AGAP1: variants seen among roughly 807,000 people sequenced by gnomAD.
AGAP1 encodes the protein arf-GAP with GTPase, ANK repeat and PH domain-containing protein 1.
Under a neutral mutation model 105.3 loss-of-function variants are expected in AGAP1, and 29 were observed. The ratio of observed to expected loss-of-function variants is 0.28; its 90% CI spans 0.21 to 0.38. AGAP1 has a LOEUF of 0.38. Among genes scored for constraint, AGAP1 ranks in the 10% least tolerant of loss-of-function variants. The pLI, the probability that AGAP1 is intolerant of heterozygous loss-of-function variation, is 1.00. For missense variants in AGAP1, 998 were observed against 1,165.1 expected, an observed-to-expected ratio of 0.86 and a Z score of 2.09; for synonymous variants, 509 against 485.9, an observed-to-expected ratio of 1.05 and a Z score of -0.63.
At chr2:236,079,607 T>TA (rs563410839) in intron 16 of AGAP1, among the ~76,000 whole-genome samples, 2 of 151,080 alleles carry the variant, frequency 1.3e-5, no homozygotes, top group South Asian at 4.2e-4. Context: ...CATACATACA[T>TA]ATATATATAG....
chr2:235,612,967 C>G lies in AGAP1; in HGVS notation c.164-96212C>G, dbSNP rs138437416. On this transcript the variant is annotated intron_variant, in intron 1 of 17. Transcript: ENST00000304032. This position sits in a 1 kb window ranked among gnomAD's most constrained non-coding sequence, Gnocchi z 4.3. The stretch of plus-strand genomic sequence containing the variant: ...CTAATTTGGAGTTAACCTCTCTTTC[C>G]CAGGTGAGGTTAGCAAATACGTATA... Among the ~76,000 whole-genome samples the G allele has an allele frequency of 7.0e-4, 106 of 152,190 alleles. No homozygotes were observed. Among genetic ancestry groups the G allele is most frequent in the African/African-American group, 2.5e-3 (105 of 41,520 alleles).
At chr2:235,694,597 G>A (rs1949909451) in intron 1 of AGAP1, among the ~76,000 whole-genome samples, 1 of 151,668 alleles carries the variant, frequency 6.6e-6, no homozygotes, top group African/African-American at 2.4e-5. Context: ...GCAGTCAGCC[G>A]AGATCGCGCC....
chr2:235,541,590 T>C (rs1475547767), intron 1 of AGAP1, among the ~76,000 whole-genome samples: 3 of 151,330 alleles, frequency 2.0e-5, no homozygotes, highest in East Asian at 3.9e-4. Context: ...AGGGTTTCAC[T>C]GTGTTAGCCA....
At position 236,020,261 on chromosome 2, in the gene AGAP1, C is replaced by G; in HGVS notation, c.1646-16300C>G. 6.6e-6 allele frequency among the ~76,000 whole-genome samples: 1 copy of G among 152,174 alleles called. No homozygotes were observed. Among genetic ancestry groups the G allele is most frequent in the East Asian group, 1.9e-4 (1 of 5,188 alleles). On this transcript the variant is annotated intron_variant, in intron 13 of 17. Coordinates refer to ENST00000304032, the MANE Select transcript of AGAP1 (RefSeq NM_001037131.3). This position sits in a 1 kb window ranked among gnomAD's most constrained non-coding sequence, Gnocchi z 5.0. ...GCTCCTTGCCTAGGACCAGTAAGCC[C>G]CAGTACTCAAGCACCCAGATTCTCT...
At chr2:236,063,730 A>C (rs1170413151) in intron 16 of AGAP1, among the ~76,000 whole-genome samples, 4 of 152,232 alleles carry the variant, frequency 2.6e-5, no homozygotes, top group Admixed American at 1.3e-4. Flanking sequence ...GGGACAAAGC[A>C]AGCCACTCCT....
In AGAP1 at chr2:236,040,659, C is replaced by T. The variant is rs188411276; in HGVS notation, c.1801-92C>T. On this transcript the variant is annotated intron_variant, in intron 14 of 17. Coordinates refer to ENST00000304032, the MANE Select transcript of AGAP1 (RefSeq NM_001037131.3). This position sits in a 1 kb window ranked among gnomAD's most constrained non-coding sequence, Gnocchi z 5.6. ...AATTACCCTCGTCCTACATTTGCTCCCAATCTGTTTGATCTTTCCCTGATG... is the reference window on the plus strand; with the variant it reads ...AATTACCCTCGTCCTACATTTGCTCTCAATCTGTTTGATCTTTCCCTGATG... 12 of 1,192,452 alleles carry T rather than the reference C, an allele frequency of 1.0e-5. No homozygotes were observed. The East Asian group carries it at 2.8e-4, about 28-fold the overall frequency. The allele number at this position is 1,192,452 out of a possible 1,614,324, so 73.9% of individuals were successfully genotyped here. A position where few individuals can be genotyped will look rare whatever the true frequency, so the allele number is the denominator to read the frequency against.
intron 16 of AGAP1, among the ~76,000 whole-genome samples, chr2:236,097,284 A>G (rs1213615243): frequency 6.6e-6 from 1 of 151,570 alleles, no homozygotes; most frequent in Non-Finnish European, 1.5e-5. Flanking sequence ...TGAGAGACTC[A>G]CACAGTGGCG....
At chr2:235,878,049 G>A (rs1170751407) in intron 9 of AGAP1, among the ~76,000 whole-genome samples, 2 of 152,182 alleles carry the variant, frequency 1.3e-5, no homozygotes, top group Non-Finnish European at 2.9e-5. Flanking sequence ...AAGGGCCCAC[G>A]GTGCCCGTGG....
rs1944073133 is a variant in AGAP1 at position 235,559,290 on chromosome 2, TG to T, written c.163+64444del. On this transcript the variant is annotated intron_variant, in intron 1 of 17. Coordinates refer to ENST00000304032, the MANE Select transcript of AGAP1 (RefSeq NM_001037131.3). This position sits in a 1 kb window ranked among gnomAD's most constrained non-coding sequence, Gnocchi z 5.7. ...ATAAAAATACGATGAAGGGGTGATT[TG>T]GGTGTCCCAAGACTGTTTGGAAGGT... Among the ~76,000 whole-genome samples the T allele has an allele frequency of 1.3e-5, 2 of 152,270 alleles. No individual in the cohort carries two copies. The highest frequency in any genetic ancestry group is 4.2e-4 in the South Asian group (2 of 4,810).
intron 1 of AGAP1, among the ~76,000 whole-genome samples, chr2:235,526,138 T>C (rs1942829158): frequency 1.7e-5 from 2 of 120,802 alleles, no homozygotes; most frequent in Non-Finnish European, 3.4e-5. Context: ...AGGACTGATT[T>C]ATAAAGTAGA....
rs71039711 is a variant in AGAP1, at chr2:236,105,550, C to CT, written c.2115-14619dup. Among the ~76,000 whole-genome samples, 504 of 81,294 alleles carry CT rather than the reference C, an allele frequency of 6.2e-3. 16 individuals are homozygous for CT. Among genetic ancestry groups the CT allele is most frequent in the East Asian group, 0.039 (116 of 2,964 alleles). The allele number at this position is 81,294 out of a possible 152,430, so 53.3% of individuals were successfully genotyped here. Reference sequence around the variant, plus strand: ...GAGAGGAGAGGGGCATCTCTCGTGTCTTTTTTTTTTTTTTTTTTTTTTTGA... The same window carrying CT: ...GAGAGGAGAGGGGCATCTCTCGTGTCTTTTTTTTTTTTTTTTTTTTTTTTGA... On this transcript the variant is annotated intron_variant, in intron 16 of 17. Coordinates refer to ENST00000304032, the MANE Select transcript of AGAP1 (RefSeq NM_001037131.3). The surrounding 1 kb of genome is among the most constrained non-coding windows in gnomAD (Gnocchi z 4.2).
rs1392038688 is a variant in AGAP1 at position 235,866,014 on chromosome 2, C to CT, written c.1051-17330dup. ...GAAAGCTGTCTCGATCCATGTATGT[C>CT]TGTGTATCTGCGGTCTGGTCATTTT... On this transcript the variant is annotated intron_variant, in intron 9 of 17. Transcript: ENST00000304032. This position sits in a 1 kb window ranked among gnomAD's most constrained non-coding sequence, Gnocchi z 6.1. 2.0e-5 allele frequency among the ~76,000 whole-genome samples: 3 copies of CT among 152,192 alleles called. No homozygotes were observed. The highest frequency in any genetic ancestry group is 4.4e-5 in the Non-Finnish European group (3 of 68,034).
intron 1 of AGAP1, among the ~76,000 whole-genome samples, chr2:235,678,301 A>G (rs985186686): frequency 1.3e-5 from 2 of 152,108 alleles, no homozygotes; most frequent in Non-Finnish European, 2.9e-5. Context: ...CATTGAAGAC[A>G]CTCTGGATGT....
In AGAP1 at chr2:235,625,974, T is replaced by C. The variant is rs1172369332; in HGVS notation, c.164-83205T>C. On this transcript the variant is annotated intron_variant, in intron 1 of 17. Transcript: ENST00000304032. This position sits in a 1 kb window ranked among gnomAD's most constrained non-coding sequence, Gnocchi z 4.0. ...TTAGCAGAGCTATTTGTAAAAATAATGCACAGGCATTTGCTGCTGTATCCT... is the reference window on the plus strand; with the variant it reads ...TTAGCAGAGCTATTTGTAAAAATAACGCACAGGCATTTGCTGCTGTATCCT... 6.6e-6 allele frequency among the ~76,000 whole-genome samples: 1 copy of C among 152,168 alleles called. No individual in the cohort carries two copies.
Position 235,494,607 on chromosome 2 carries a change from C to T in AGAP1, c.-80C>T, listed in dbSNP as rs1282427787. On this transcript the variant is annotated 5_prime_UTR_variant, in exon 1 of 18. Coordinates refer to ENST00000304032, the MANE Select transcript of AGAP1 (RefSeq NM_001037131.3). ...CGGCTCCCCGGGGGCTGCGGCGCCC[C>T]GGGCTCGGCGGCCCGCGGGCCCCGG... The T allele has an allele frequency of 6.7e-6, 5 of 741,194 alleles. 1 individual carries two copies. The highest frequency in any genetic ancestry group is 1.2e-4 in the South Asian group (2 of 16,340). 45.9% of individuals were successfully genotyped at this position (741,194 alleles called of 1,614,324 possible). A position where few individuals can be genotyped will look rare whatever the true frequency, so the allele number is the denominator to read the frequency against.
chr2:235,573,025 TTC>T (rs1491581638), intron 1 of AGAP1, among the ~76,000 whole-genome samples: 3,606 of 25,850 alleles, frequency 0.14, 314 homozygotes, highest in African/African-American at 0.3. Flanking sequence ...CTTCTTCTTC[TTC>T]TTCTTCTTCT....
At chr2:236,006,084 T>C (rs1430376559) in intron 13 of AGAP1, among the ~76,000 whole-genome samples, 1 of 152,208 alleles carries the variant, frequency 6.6e-6, no homozygotes, top group Non-Finnish European at 1.5e-5. Flanking sequence ...CAGTTGTCTA[T>C]TTGTATTCAT....
In AGAP1 at chr2:235,730,034, G is replaced by A. The variant is rs953806087; in HGVS notation, c.311-10929G>A. On this transcript the variant is annotated intron_variant, in intron 3 of 17. Coordinates refer to ENST00000304032, the MANE Select transcript of AGAP1 (RefSeq NM_001037131.3). ...CTTAGTTTCTCCATGCAGGCTCATC[G>A]AATAGCAACCATCCTTTCTTAGTTT... is the stretch of plus-strand genomic sequence containing the variant. Among the ~76,000 whole-genome samples, 14 of 152,154 alleles carry A rather than the reference G, an allele frequency of 9.2e-5. 1 individual carries two copies. The highest frequency in any genetic ancestry group is 3.4e-4 in the African/African-American group (14 of 41,470).
At position 235,578,643 on chromosome 2, in the gene AGAP1, G is replaced by T. The variant is rs1209664011; in HGVS notation, c.163+83794G>T. ...ACTAAAAATACAAAAAAATTAGCTG[G>T]ATGTGGTGGTGTGCACCTGTAATCC... On this transcript the variant is annotated intron_variant, in intron 1 of 17. Transcript: ENST00000304032. This position sits in a 1 kb window ranked among gnomAD's most constrained non-coding sequence, Gnocchi z 4.9. Among the ~76,000 whole-genome samples, 1 of 151,976 alleles carries T rather than the reference G, an allele frequency of 6.6e-6. No homozygotes were observed. Among genetic ancestry groups the T allele is most frequent in the Non-Finnish European group, 1.5e-5 (1 of 68,012 alleles).
Sources: gnomAD v4.1 joint callset for allele counts (sites outside exome capture counted in the v4.1 genomes callset) on GRCh38, gnomAD v4.1.1 for gene constraint, Gnocchi (gnomAD v3.1) non-coding constraint, MANE v1.5 for transcripts, NCBI Gene and HGNC (gene_info 2026-07-23, HGNC 2026-07-21) for gene names.